Variants in VPS13B observed in about 807,000 individuals in gnomAD.
VPS13B encodes vacuolar protein sorting 13 homolog B.
VPS13B carries 285 observed loss-of-function variants against 426.4 expected under a neutral mutation model. The observed-to-expected ratio is 0.67, with a 90% CI of 0.61 to 0.74. The LOEUF (loss-of-function observed/expected upper bound fraction) is 0.74. Ranked by LOEUF, VPS13B falls within the 30% of genes least tolerant of loss-of-function variation. The pLI, the probability that VPS13B is intolerant of heterozygous loss-of-function variation, is 0.00. For missense variants in VPS13B, 4,537 were observed against 4,782.6 expected (o/e 0.95, Z 1.51); for synonymous variants, 1,676 against 1,676.4 (o/e 1.00, Z 0.01).
intron 17 of VPS13B, among the ~76,000 whole-genome samples, chr8:99,201,829 CACTT>C (rs2132759524): frequency 6.6e-6 from 1 of 152,272 alleles, no homozygotes; most frequent in East Asian, 1.9e-4. Context: ...CAACTATTGA[CACTT>C]AGGAAAGATC....
At chr8:99,706,212 G>A (rs1255733607) in intron 36 of VPS13B, among the ~76,000 whole-genome samples, 1 of 152,058 alleles carries the variant, frequency 6.6e-6, no homozygotes, top group East Asian at 1.9e-4. Flanking sequence ...TGCCTGTAAT[G>A]GATTAAAATA....
rs1391522552 is a variant in VPS13B at position 99,311,544 on chromosome 8, A to T, written c.2824+36290A>T. Among the ~76,000 whole-genome samples, 7 of 152,314 alleles carry T rather than the reference A, an allele frequency of 4.6e-5. No homozygotes were observed. The East Asian group carries it at 7.7e-4, about 17-fold the overall frequency. On this transcript the variant is annotated intron_variant, in intron 19 of 61. Coordinates refer to ENST00000357162, the MANE Select transcript of VPS13B (RefSeq NM_152564.5). ...ACTTTGGTCTGAGAGACAGTTTGTT[A>T]TAATTTCTGTTCTTTTACATTTGCT...
intron 17 of VPS13B, among the ~76,000 whole-genome samples, chr8:99,271,952 G>A (rs1452043562): frequency 2.0e-5 from 3 of 152,118 alleles, no homozygotes; most frequent in African/African-American, 7.2e-5. Flanking sequence ...TTGGGACAAG[G>A]TATTTCTCAG....
chr8:99,511,429 G>C lies in VPS13B; in HGVS notation c.4550G>C (p.Arg1517Pro). ...ATGAGGACCCATACACTGACATCCCGCAATTTACCTTTGATTTATGTCAAC... is the reference window on the plus strand; with the variant it reads ...ATGAGGACCCATACACTGACATCCCCCAATTTACCTTTGATTTATGTCAAC... ...QPMRTHTLTS[R>P]NLPLIYVNTS... is the part of the protein sequence containing the mutation. Residue 1517 changes from arginine (R) to proline (P), a missense_variant, in exon 29 of 62, where the codon CGC becomes CCC. Coordinates refer to ENST00000357162, the MANE Select transcript of VPS13B (RefSeq NM_152564.5). The C allele has an allele frequency of 6.2e-7, 1 of 1,613,126 alleles. No homozygotes were observed. Among genetic ancestry groups the C allele is most frequent in the South Asian group, 1.1e-5 (1 of 90,798 alleles).
chr8:99,489,380 A>G (rs975082674), intron 25 of VPS13B, among the ~76,000 whole-genome samples: 3 of 151,894 alleles, frequency 2.0e-5, no homozygotes, highest in Non-Finnish European at 4.4e-5. Context: ...TGTCTTGGCA[A>G]TGCGGGCTCT....
intron 8 of VPS13B, among the ~76,000 whole-genome samples, chr8:99,129,195 T>A (rs1033252549): frequency 1.3e-5 from 2 of 152,008 alleles, no homozygotes; most frequent in African/African-American, 4.8e-5. Flanking sequence ...CTGAAAAAAA[T>A]TATTTTTGTG....
chr8:99,666,617 G>T (rs1339291827), intron 35 of VPS13B, among the ~76,000 whole-genome samples: 1 of 152,078 alleles, frequency 6.6e-6, no homozygotes, highest in African/African-American at 2.4e-5. Context: ...AACCCTTCAT[G>T]CTAAAAACTC....
chr8:99,146,345 G>A (rs1007336325), intron 13 of VPS13B, among the ~76,000 whole-genome samples: 1 of 152,112 alleles, frequency 6.6e-6, no homozygotes, highest in African/African-American at 2.4e-5. Context: ...GAGCATATTT[G>A]TGTGGGTCTG....
intron 16 of VPS13B, among the ~76,000 whole-genome samples, chr8:99,190,460 G>C (rs895722573): frequency 2.6e-5 from 4 of 151,184 alleles, no homozygotes; most frequent in Non-Finnish European, 4.4e-5. Flanking sequence ...TTTTCTAGTT[G>C]TCCCATCTAT....
chr8:99,494,877 C>T (rs943378838), intron 25 of VPS13B, among the ~76,000 whole-genome samples: 10 of 151,954 alleles, frequency 6.6e-5, no homozygotes, highest in Non-Finnish European at 1.3e-4. Flanking sequence ...GACATATTGA[C>T]AAACTGGCCC....
Position 99,832,521 on chromosome 8 carries a change from G to C in VPS13B, c.9483G>C (p.Leu3161=). 1 of 1,613,722 alleles carries C rather than the reference G, an allele frequency of 6.2e-7. No individual in the cohort carries two copies. The part of the protein sequence containing the change: ...DASLLQKQIM[L]GFSPAPGADS... ...CCCTGCTTCAGAAACAGATCATGCT[G>C]GGCTTTTCTCCTGCCCCAGGTGCTG... is the stretch of plus-strand genomic sequence containing the variant. Residue 3161 remains leucine (L), a synonymous_variant, in exon 52 of 62, where the codon CTG becomes CTC. Transcript: ENST00000357162.
chr8:99,051,561 G>T (rs1231832405), intron 3 of VPS13B, among the ~76,000 whole-genome samples: 1 of 152,094 alleles, frequency 6.6e-6, no homozygotes, highest in Non-Finnish European at 1.5e-5. Flanking sequence ...TTCCAATTCT[G>T]TGAAGAAAGT....
At chr8:99,249,842 G>A (rs1272696003) in intron 17 of VPS13B, among the ~76,000 whole-genome samples, 1 of 152,132 alleles carries the variant, frequency 6.6e-6, no homozygotes, top group East Asian at 1.9e-4. Flanking sequence ...GGAGTTTGCC[G>A]AGGCTGCAGT....
intron 43 of VPS13B, among the ~76,000 whole-genome samples, chr8:99,787,552 G>A (rs947082195): frequency 6.6e-6 from 1 of 152,164 alleles, no homozygotes; most frequent in African/African-American, 2.4e-5. Flanking sequence ...TTTAGATCAG[G>A]TTGGATGAGA....
At chr8:99,696,321 C>T (rs997844626) in intron 35 of VPS13B, 26 of 248,136 alleles carry the variant, frequency 1.0e-4, no homozygotes, top group Non-Finnish European at 1.8e-4. Flanking sequence ...ATAAGTCGCT[C>T]GGGCAGAGGG....
intron 3 of VPS13B, among the ~76,000 whole-genome samples, chr8:99,066,946 C>A (rs569057162): frequency 5.3e-5 from 8 of 152,268 alleles, no homozygotes; most frequent in African/African-American, 1.7e-4. Context: ...CAGTGAGATA[C>A]CATCTCACAC....
intron 16 of VPS13B, among the ~76,000 whole-genome samples, chr8:99,189,536 AT>A (rs11297612): frequency 0.82 from 125,194 of 151,782 alleles, 52,121 homozygotes; most frequent in South Asian, 0.89. Context: ...TTTAGACAAG[AT>A]TTTTTTTTGA....
At chr8:99,857,008 G>A (rs1012396964) in intron 56 of VPS13B, among the ~76,000 whole-genome samples, 1 of 152,172 alleles carries the variant, frequency 6.6e-6, no homozygotes, top group Non-Finnish European at 1.5e-5. Context: ...GTCTCAGTTT[G>A]TTGGGAGCCA....
At chr8:99,700,607 A>G (rs1007612866) in intron 36 of VPS13B, among the ~76,000 whole-genome samples, 1 of 152,258 alleles carries the variant, frequency 6.6e-6, no homozygotes, top group Non-Finnish European at 1.5e-5. Context: ...AAAGTGGGGT[A>G]CAGACTCTGC....
Sources: allele counts gnomAD v4.1 joint callset (sites outside exome capture counted in the v4.1 genomes callset), GRCh38; gene constraint gnomAD v4.1.1; transcripts MANE v1.5; gene names NCBI Gene and HGNC (gene_info 2026-07-23, HGNC 2026-07-21).